The following PRKG1 variants were observed in gnomAD, a reference collection of about 807,000 sequenced individuals.
The protein encoded by PRKG1 is protein kinase cGMP-dependent 1.
Under a neutral mutation model 88.1 loss-of-function variants are expected in PRKG1, and 35 were observed. The observed-to-expected ratio is 0.40, with a 90% CI of 0.30 to 0.53. The LOEUF is 0.53. Ranked by LOEUF, PRKG1 falls within the 20% of genes least tolerant of loss-of-function variation. PRKG1 has a pLI of 0.59. For synonymous variants in PRKG1, 303 were observed against 292.5 expected (o/e 1.04, Z -0.37); for missense variants, 540 against 839.8 (o/e 0.64, Z 4.41).
Position 51,198,448 on chromosome 10 carries a change from TA to T in PRKG1, c.478+45123del, listed in dbSNP as rs576817129. 9.0e-4 allele frequency among the ~76,000 whole-genome samples: 137 copies of T among 152,324 alleles called. 1 individual carries two copies. Among genetic ancestry groups the T allele is most frequent in the Admixed American group, 2.6e-3 (40 of 15,296 alleles). On this transcript the variant is annotated intron_variant, in intron 2 of 17. Coordinates refer to ENST00000373980, the MANE Select transcript of PRKG1 (RefSeq NM_006258.4). Reference sequence around the variant, plus strand: ...ATCCAATGAAATTCACAGTCGGATGTAAAAACCTGTGAGAGATTTCCCCATA... The same window carrying T: ...ATCCAATGAAATTCACAGTCGGATGTAAAACCTGTGAGAGATTTCCCCATA...
At chr10:51,443,304 C>A (rs370344483) in intron 2 of PRKG1, among the ~76,000 whole-genome samples, 6 of 151,916 alleles carry the variant, frequency 3.9e-5, no homozygotes, top group East Asian at 1.9e-4. Context: ...AATACAGTGG[C>A]AGAGTTGAGT....
At chr10:51,966,886 CA>C (rs1357300760) in intron 5 of PRKG1, among the ~76,000 whole-genome samples, 4 of 151,766 alleles carry the variant, frequency 2.6e-5, no homozygotes, top group Non-Finnish European at 5.9e-5. Context: ...GTTAGAATGG[CA>C]ATCATTAAAA....
chr10:52,129,939 A>G (rs1837211070), intron 7 of PRKG1, among the ~76,000 whole-genome samples: 1 of 152,162 alleles, frequency 6.6e-6, no homozygotes, highest in African/African-American at 2.4e-5. Context: ...TGGAAAGAAC[A>G]TGACTTTAGG....
At position 51,858,389 on chromosome 10, in the gene PRKG1, TAA is replaced by T. The variant is rs1491544272; in HGVS notation, c.699-49117_699-49116del. The stretch of plus-strand genomic sequence containing the variant: ...ATATAATATATATAAAATATATATA[TAA>T]TATATATAATATATATAAAATATAT... On this transcript the variant is annotated intron_variant, in intron 4 of 17. Transcript: ENST00000373980. 9.1e-3 allele frequency among the ~76,000 whole-genome samples: 275 copies of T among 30,088 alleles called. 56 individuals carry two copies. The highest frequency in any genetic ancestry group is 0.022 in the Middle Eastern group (1 of 46). The allele number at this position is 30,088 out of a possible 152,430, so 19.7% of individuals were successfully genotyped here. A position where few individuals can be genotyped will look rare whatever the true frequency, so the allele number is the denominator to read the frequency against.
intron 7 of PRKG1, among the ~76,000 whole-genome samples, chr10:52,083,967 A>G (rs904998058): frequency 6.6e-6 from 1 of 152,064 alleles, no homozygotes; most frequent in Admixed American, 6.6e-5. Flanking sequence ...TAACTGTTTT[A>G]CATTTCAAAT....
chr10:51,284,661 A>G (rs1011526290), intron 2 of PRKG1, among the ~76,000 whole-genome samples: 1 of 152,156 alleles, frequency 6.6e-6, no homozygotes, highest in Non-Finnish European at 1.5e-5. Context: ...TTAGCTTGGA[A>G]GCAAAAATAC....
chr10:51,919,401 A>G (rs1400071727), intron 5 of PRKG1, among the ~76,000 whole-genome samples: 5 of 152,126 alleles, frequency 3.3e-5, no homozygotes, highest in African/African-American at 1.2e-4. Flanking sequence ...GAGATTCTGT[A>G]AGTGAGCTCC....
chr10:51,627,639 A>G (rs956462702), intron 3 of PRKG1, among the ~76,000 whole-genome samples: 1 of 152,164 alleles, frequency 6.6e-6, no homozygotes, highest in African/African-American at 2.4e-5. Flanking sequence ...GGAAGGCAGA[A>G]CACCATTAGT....
At chr10:51,233,276 G>C (rs1456847170) in intron 2 of PRKG1, among the ~76,000 whole-genome samples, 1 of 152,122 alleles carries the variant, frequency 6.6e-6, no homozygotes, top group African/African-American at 2.4e-5. Context: ...GCTACTTTGA[G>C]TGAATTCTAT....
chr10:51,989,417 G>A (rs1807739897), intron 5 of PRKG1, among the ~76,000 whole-genome samples: 1 of 151,958 alleles, frequency 6.6e-6, no homozygotes, highest in African/African-American at 2.4e-5. Flanking sequence ...ATGAGGCAGG[G>A]CAAAATAGGT....
intron 4 of PRKG1, among the ~76,000 whole-genome samples, chr10:51,862,031 C>T (rs1411619828): frequency 2.0e-5 from 3 of 152,178 alleles, no homozygotes; most frequent in Non-Finnish European, 2.9e-5. Context: ...AAACTACCAG[C>T]AACCACGGAG....
chr10:52,200,409 A>G (rs1158762192), intron 9 of PRKG1, among the ~76,000 whole-genome samples: 1 of 152,196 alleles, frequency 6.6e-6, no homozygotes, highest in East Asian at 1.9e-4. Flanking sequence ...TTATGGCTGC[A>G]TAATATTCCA....
chr10:51,148,946 T>C (rs1441580543), intron 1 of PRKG1, among the ~76,000 whole-genome samples: 8 of 152,150 alleles, frequency 5.3e-5, no homozygotes. Flanking sequence ...AAACTCTTTA[T>C]TGTAGTCTTC....
At chr10:51,131,814 T>C (rs1845574519) in intron 1 of PRKG1, among the ~76,000 whole-genome samples, 1 of 152,162 alleles carries the variant, frequency 6.6e-6, no homozygotes, top group South Asian at 2.1e-4. Flanking sequence ...TTAGAGACTT[T>C]CTCACGTTAT....
intron 4 of PRKG1, among the ~76,000 whole-genome samples, chr10:51,899,694 T>TATACAC (rs1165503542): frequency 7.0e-5 from 10 of 142,766 alleles, no homozygotes; most frequent in African/African-American, 2.6e-4. Flanking sequence ...TATATATATA[T>TATACAC]ACAAATTTCT....
intron 8 of PRKG1, 136 bp from the exon 9 acceptor site, chr10:52,161,753 T>C (rs1006625349): frequency 1.4e-6 from 1 of 710,294 alleles, no homozygotes; most frequent in South Asian, 1.7e-5. Context: ...ACATGCTTCT[T>C]ATTAATGTAC....
intron 5 of PRKG1, among the ~76,000 whole-genome samples, chr10:51,956,845 C>T (rs544280973): frequency 6.6e-6 from 1 of 151,888 alleles, no homozygotes; most frequent in East Asian, 1.9e-4. Flanking sequence ...ATGTACTTAC[C>T]ATATTCACTG....
intron 7 of PRKG1, among the ~76,000 whole-genome samples, chr10:52,124,852 A>G (rs1847895540): frequency 6.6e-6 from 1 of 152,106 alleles, no homozygotes. Context: ...CATTCACAGT[A>G]GTGTAGGTCT....
chr10:51,781,952 A>G (rs1838601204), intron 3 of PRKG1, among the ~76,000 whole-genome samples: 1 of 151,454 alleles, frequency 6.6e-6, no homozygotes, highest in Admixed American at 6.6e-5. Flanking sequence ...CACCCATTGT[A>G]TTTAGTTCAG....
Sources: gnomAD v4.1 joint callset for allele counts (sites outside exome capture counted in the v4.1 genomes callset) on GRCh38, gnomAD v4.1.1 for gene constraint, MANE v1.5 for transcripts, NCBI Gene and HGNC (gene_info 2026-07-23, HGNC 2026-07-21) for gene names.